GULP1: variants seen among roughly 807,000 people sequenced by gnomAD.
GULP1 encodes PTB domain-containing engulfment adapter protein 1.
In GULP1, 19 loss-of-function variants were observed where a neutral mutation model predicts 40.9. That is an observed-to-expected ratio of 0.46 (90% CI 0.32 to 0.68). GULP1 has a LOEUF of 0.68. Ranked by LOEUF, GULP1 falls within the 30% of genes least tolerant of loss-of-function variation. GULP1 has a pLI of 0.03. For missense variants in GULP1, 312 were observed against 362.2 expected (o/e 0.86, Z 1.12); for synonymous variants, 119 against 117.6 (o/e 1.01, Z -0.08).
intron 10 of GULP1, among the ~76,000 whole-genome samples, chr2:188,585,526 C>G (rs1381843613): frequency 6.6e-6 from 1 of 152,210 alleles, no homozygotes; most frequent in Non-Finnish European, 1.5e-5. Flanking sequence ...AAGCTCAACT[C>G]TTGTCTTCTG....
At chr2:188,570,001 G>T in intron 8 of GULP1, 27 bp from the exon 9 acceptor site, 1 of 853,736 alleles carries the variant, frequency 1.2e-6, no homozygotes, top group Non-Finnish European at 1.9e-6. Context: ...AAAACAGAAA[G>T]TTATTCAATA....
intron 1 of GULP1, among the ~76,000 whole-genome samples, chr2:188,336,117 G>A (rs1289377422): frequency 6.6e-6 from 1 of 152,090 alleles, no homozygotes; most frequent in Non-Finnish European, 1.5e-5. Flanking sequence ...ATATTAGATT[G>A]GGGGGCACAG....
chr2:188,508,563 G>A (rs185301368), intron 4 of GULP1, among the ~76,000 whole-genome samples: 6 of 151,840 alleles, frequency 4.0e-5, no homozygotes, highest in African/African-American at 9.7e-5. Flanking sequence ...CTCCTTTCCC[G>A]TACTCCACAA....
chr2:188,433,150 A>G (rs1001698653), intron 2 of GULP1, among the ~76,000 whole-genome samples: 1 of 152,134 alleles, frequency 6.6e-6, no homozygotes, highest in Non-Finnish European at 1.5e-5. Flanking sequence ...TGAAGTACTA[A>G]AAACCCCAGC....
intron 6 of GULP1, among the ~76,000 whole-genome samples, chr2:188,537,909 G>A (rs1295120311): frequency 6.6e-6 from 1 of 151,990 alleles, no homozygotes; most frequent in African/African-American, 2.4e-5. Context: ...CTGATTCAAT[G>A]TTGGGAGGTT....
intron 1 of GULP1, among the ~76,000 whole-genome samples, chr2:188,344,596 T>C (rs1042249009): frequency 2.0e-5 from 3 of 152,212 alleles, no homozygotes; most frequent in African/African-American, 7.2e-5. Flanking sequence ...CTGGCATTTG[T>C]ATCATAGACT....
chr2:188,485,950 G>A (rs537529902), intron 4 of GULP1, among the ~76,000 whole-genome samples: 189 of 152,010 alleles, frequency 1.2e-3, no homozygotes, highest in Admixed American at 2.4e-3. Flanking sequence ...GATGTTAATC[G>A]TATCTATGAA....
chr2:188,345,537 A>G (rs1038351939), intron 1 of GULP1, among the ~76,000 whole-genome samples: 3 of 152,224 alleles, frequency 2.0e-5, no homozygotes, highest in African/African-American at 7.2e-5. Flanking sequence ...AAATATGATC[A>G]TTGGATTGAG....
intron 7 of GULP1, among the ~76,000 whole-genome samples, chr2:188,543,116 G>T (rs564285046): frequency 6.6e-6 from 1 of 152,098 alleles, no homozygotes; most frequent in African/African-American, 2.4e-5. Flanking sequence ...GTCTGTAATT[G>T]ATTGTTCTCC....
At chr2:188,335,356 A>G (rs2152091295) in intron 1 of GULP1, among the ~76,000 whole-genome samples, 1 of 152,240 alleles carries the variant, frequency 6.6e-6, no homozygotes, top group East Asian at 1.9e-4. Flanking sequence ...TGCCATGCTT[A>G]AATTCTCTAC....
At chr2:188,342,391 A>G (rs2043090884) in intron 1 of GULP1, among the ~76,000 whole-genome samples, 1 of 152,162 alleles carries the variant, frequency 6.6e-6, no homozygotes, top group East Asian at 1.9e-4. Flanking sequence ...TGTGTCTCAG[A>G]TCTCTCCTTT....
intron 11 of GULP1, 189 bp downstream of exon 11, chr2:188,588,138 G>A (rs994844771): frequency 1.7e-6 from 1 of 594,292 alleles, no homozygotes; most frequent in African/African-American, 1.9e-5. Context: ...TAAGGATAAG[G>A]TTGTTGGTTT....
intron 1 of GULP1, among the ~76,000 whole-genome samples, chr2:188,344,777 T>A (rs1324599043): frequency 6.6e-6 from 1 of 152,192 alleles, no homozygotes; most frequent in Non-Finnish European, 1.5e-5. Flanking sequence ...GTGACACTCT[T>A]GGATTTTTTA....
chr2:188,310,955 C>T (rs34557812), intron 1 of GULP1, among the ~76,000 whole-genome samples: 1 of 152,078 alleles, frequency 6.6e-6, no homozygotes, highest in African/African-American at 2.4e-5. Context: ...GAAATTGTAT[C>T]TAATATTTGT....
At chr2:188,302,077 G>A (rs1020865652) in intron 1 of GULP1, among the ~76,000 whole-genome samples, 9 of 152,070 alleles carry the variant, frequency 5.9e-5, no homozygotes, top group African/African-American at 2.2e-4. Flanking sequence ...GTAAATAAAA[G>A]TTTTAGAAGT....
intron 1 of GULP1, among the ~76,000 whole-genome samples, chr2:188,296,721 T>C (rs1559081299): frequency 1.3e-5 from 2 of 152,104 alleles, no homozygotes; most frequent in Non-Finnish European, 2.9e-5. Flanking sequence ...TGAATAGCCT[T>C]GTATGTATTT....
chr2:188,358,180 C>CAAACAA (rs1215417916), intron 1 of GULP1, among the ~76,000 whole-genome samples: 1 of 151,334 alleles, frequency 6.6e-6, no homozygotes, highest in Non-Finnish European at 1.5e-5. Flanking sequence ...GACTCCATCT[C>CAAACAA]AAACAACAAC....
In GULP1 at chr2:188,291,909, C is replaced by T. The variant is rs1022691660; in HGVS notation, c.-429C>T. The T allele has an allele frequency of 1.3e-5, 2 of 152,332 alleles. No homozygotes were observed. The highest frequency in any genetic ancestry group is 1.9e-4 in the East Asian group (1 of 5,140). 9.4% of individuals were successfully genotyped at this position (152,332 alleles called of 1,614,324 possible). On this transcript the variant is annotated 5_prime_UTR_variant, in exon 1 of 12. Transcript: ENST00000409830. ...GGGAGCGACCCGGAGTCCCCAGCCC[C>T]GCGTCCCAGCTGCCGCCAGCGCCAG...
At chr2:188,569,921 A>G (rs1698666128) in intron 8 of GULP1, 107 bp from the exon 9 acceptor site, 4 of 554,330 alleles carry the variant, frequency 7.2e-6, no homozygotes, top group Non-Finnish European at 1.3e-5. Flanking sequence ...CACGCACAAC[A>G]AAGTACATTA....
Sources: gnomAD v4.1 joint callset for allele counts (sites outside exome capture counted in the v4.1 genomes callset) on GRCh38, gnomAD v4.1.1 for gene constraint, MANE v1.5 for transcripts, NCBI Gene and HGNC (gene_info 2026-07-23, HGNC 2026-07-21) for gene names.